The following MS4A4E variants were observed in gnomAD, a reference collection of about 807,000 sequenced individuals.
MS4A4E encodes the protein membrane spanning 4-domains A4E.
MS4A4E carries 23 observed loss-of-function variants against 13.3 expected under a neutral mutation model. The ratio of observed to expected loss-of-function variants is 1.73; its 90% confidence interval spans 1.25 to 2.45. The LOEUF is 2.45. MS4A4E is among the 30% of genes most tolerant of loss of function. The pLI, the probability that MS4A4E is intolerant of heterozygous loss-of-function variation, is 0.00. For synonymous variants in MS4A4E, 36 were observed against 45.6 expected (o/e 0.79, Z 0.85); for missense variants, 144 against 131.2 (o/e 1.10, Z -0.48).
In MS4A4E at chr11:60,201,281, C is replaced by G. The variant is rs2083984389; in HGVS notation, c.*262G>C. ...CTCCCTCCCGGATGGGGCAGCTGGC[C>G]TGGCGGGGGCTGACCCCCACCTCCC... On this transcript the variant is annotated 3_prime_UTR_variant, in exon 9 of 9. Coordinates refer to ENST00000651255, the MANE Select transcript of MS4A4E (RefSeq NM_001393391.1). 1 of 150,730 alleles carries G rather than the reference C, an allele frequency of 6.6e-6. No individual in the cohort carries two copies. The highest frequency in any genetic ancestry group is 2.6e-5 in the African/African-American group (1 of 38,664). The allele number at this position is 150,730 out of a possible 1,614,324, so 9.3% of individuals were successfully genotyped here. A position where few individuals can be genotyped will look rare whatever the true frequency, so the allele number is the denominator to read the frequency against.
At chr11:60,230,163 C>T (rs772590951) in intron 1 of MS4A4E, 92 bp from the exon 2 acceptor site, 33 of 1,372,228 alleles carry the variant, frequency 2.4e-5, no homozygotes, top group Non-Finnish European at 3.1e-5. Flanking sequence ...AAGGACAAAA[C>T]CTGGTCTACA....
intron 1 of MS4A4E, among the ~76,000 whole-genome samples, chr11:60,234,188 A>G (rs1224220324): frequency 2.0e-5 from 3 of 152,200 alleles, no homozygotes; most frequent in African/African-American, 7.2e-5. Flanking sequence ...GCCTCCAGAT[A>G]AGTCATACCT....
chr11:60,219,018 G>T (rs1417209662), intron 3 of MS4A4E, among the ~76,000 whole-genome samples: 1 of 152,190 alleles, frequency 6.6e-6, no homozygotes, highest in Non-Finnish European at 1.5e-5. Flanking sequence ...GGCCCACTGT[G>T]GGTGAGCTGA....
chr11:60,230,512 A>G (rs1366507233), intron 1 of MS4A4E, among the ~76,000 whole-genome samples: 2 of 152,158 alleles, frequency 1.3e-5, no homozygotes, highest in Non-Finnish European at 2.9e-5. Context: ...TCCTTTTATA[A>G]CCAAAGCACA....
intron 1 of MS4A4E, 123 bp downstream of exon 1, chr11:60,242,835 C>T (rs2084567469): frequency 1.6e-6 from 1 of 616,962 alleles, no homozygotes; most frequent in Non-Finnish European, 2.7e-6. Context: ...ACCCTGACTA[C>T]CAGCTTGGGT....
chr11:60,231,270 C>T (rs911924452), intron 1 of MS4A4E, among the ~76,000 whole-genome samples: 1 of 150,964 alleles, frequency 6.6e-6, no homozygotes, highest in East Asian at 1.9e-4. Context: ...TACAAAATTA[C>T]AAATTATAAA....
intron 1 of MS4A4E, among the ~76,000 whole-genome samples, chr11:60,238,600 G>A (rs191699438): frequency 1.6e-4 from 24 of 152,098 alleles, no homozygotes; most frequent in East Asian, 1.9e-4. Flanking sequence ...TTTGTTGATC[G>A]TTGCAAGAAT....
At chr11:60,233,099 G>A (rs568107914) in intron 1 of MS4A4E, among the ~76,000 whole-genome samples, 80 of 151,978 alleles carry the variant, frequency 5.3e-4, no homozygotes, top group Non-Finnish European at 9.9e-4. Context: ...CTCCCCAGGG[G>A]GTCATTTCTG....
At chr11:60,238,096 A>G (rs1194105863) in intron 1 of MS4A4E, among the ~76,000 whole-genome samples, 1 of 150,634 alleles carries the variant, frequency 6.6e-6, no homozygotes, top group Non-Finnish European at 1.5e-5. Flanking sequence ...TTTTTTTAGC[A>G]TTTGTGTCTG....
intron 1 of MS4A4E, among the ~76,000 whole-genome samples, chr11:60,230,518 G>A (rs901011962): frequency 6.6e-6 from 1 of 152,076 alleles, no homozygotes; most frequent in African/African-American, 2.4e-5. Context: ...TATAACCAAA[G>A]CACAGCTAAA....
intron 2 of MS4A4E, among the ~76,000 whole-genome samples, chr11:60,229,675 A>T (rs1380925149): frequency 6.6e-6 from 1 of 152,174 alleles, no homozygotes. Context: ...ATCATGGCTG[A>T]CCCACAACCC....
rs549023445 is a variant in MS4A4E, at chr11:60,201,059, G to C, written c.*484C>G. 6.9e-6 allele frequency among the ~76,000 whole-genome samples: 1 copy of C among 145,458 alleles called. No individual in the cohort carries two copies. The highest frequency in any genetic ancestry group is 2.2e-4 in the South Asian group (1 of 4,556). ...CCTCCCAGACGTGGTGGCTGGCCGG[G>C]TGGGGGGCTGAACCCCCCACCTCCC... On this transcript the variant is annotated 3_prime_UTR_variant, in exon 9 of 9. Transcript: ENST00000651255.
At position 60,206,108 on chromosome 11, in the gene MS4A4E, G is replaced by A. The variant is rs886413101; in HGVS notation, c.484-288C>T. The stretch of plus-strand genomic sequence containing the variant: ...GGGTGAAGGAAAGCAGAAGGAAAAG[G>A]ATGGGGGAGAAGGGCATGAATCTCC... On this transcript the variant is annotated intron_variant, in intron 6 of 8. Transcript: ENST00000651255. Among the ~76,000 whole-genome samples, 3 of 152,082 alleles carry A rather than the reference G, an allele frequency of 2.0e-5. No homozygotes were observed. In the East Asian group the frequency reaches 5.8e-4, roughly 29 times the overall value.
intron 3 of MS4A4E, among the ~76,000 whole-genome samples, chr11:60,221,606 T>G (rs967312576): frequency 4.6e-5 from 7 of 152,178 alleles, no homozygotes; most frequent in African/African-American, 1.7e-4. Flanking sequence ...GTGGGCAGAA[T>G]GTTGAGCACT....
chr11:60,213,173 C>T (rs1004033810), intron 4 of MS4A4E, 41 bp from the exon 5 acceptor site: 2 of 971,810 alleles, frequency 2.1e-6, no homozygotes, highest in Admixed American at 2.4e-5. Context: ...CCAACATCAT[C>T]CTCAGATATA....
At chr11:60,239,912 C>G (rs951371177) in intron 1 of MS4A4E, among the ~76,000 whole-genome samples, 1 of 152,192 alleles carries the variant, frequency 6.6e-6, no homozygotes, top group African/African-American at 2.4e-5. Context: ...AGAGAATTGT[C>G]CCCCTCTGGG....
intron 3 of MS4A4E, among the ~76,000 whole-genome samples, chr11:60,222,877 A>G (rs932465839): frequency 1.3e-5 from 2 of 152,176 alleles, no homozygotes; most frequent in African/African-American, 4.8e-5. Context: ...CTACTACTCC[A>G]CAATGGAGGT....
intron 3 of MS4A4E, among the ~76,000 whole-genome samples, chr11:60,224,644 A>T (rs776613295): frequency 8.5e-5 from 13 of 152,196 alleles, no homozygotes; most frequent in Admixed American, 6.5e-4. Context: ...CACCAAATTA[A>T]ACAATTCTGG....
intron 1 of MS4A4E, among the ~76,000 whole-genome samples, chr11:60,231,688 A>G (rs2084413084): frequency 6.6e-6 from 1 of 152,224 alleles, no homozygotes; most frequent in South Asian, 2.1e-4. Context: ...TAGAAATTAA[A>G]TGCATCAGCT....
Sources: gnomAD v4.1 joint callset for allele counts (sites outside exome capture counted in the v4.1 genomes callset) on GRCh38, gnomAD v4.1.1 for gene constraint, MANE v1.5 for transcripts, NCBI Gene and HGNC (gene_info 2026-07-23, HGNC 2026-07-21) for gene names.